Variants in STK33 observed in about 807,000 individuals in gnomAD.
STK33 encodes serine/threonine-protein kinase 33.
A neutral mutation model predicts 58.0 loss-of-function variants in STK33; 52 were observed. The ratio of observed to expected loss-of-function variants is 0.90; its 90% CI spans 0.72 to 1.13. The LOEUF (loss-of-function observed/expected upper bound fraction) is 1.13. STK33 is among the 50% of genes most tolerant of loss of function. The pLI, the probability that STK33 is intolerant of heterozygous loss-of-function variation, is 0.00. For synonymous variants in STK33, 215 were observed against 200.1 expected, an observed-to-expected ratio of 1.07 and a Z score of -0.63; for missense variants, 630 against 604.2, an observed-to-expected ratio of 1.04 and a Z score of -0.45.
At chr11:8,397,485 A>C (rs927266691) in intron 15 of STK33, among the ~76,000 whole-genome samples, 4 of 152,216 alleles carry the variant, frequency 2.6e-5, no homozygotes, top group African/African-American at 9.6e-5. Context: ...CAAAGACCAA[A>C]GGTAGATAAA....
At chr11:8,490,353 C>T (rs996385986) in intron 1 of STK33, among the ~76,000 whole-genome samples, 1 of 152,172 alleles carries the variant, frequency 6.6e-6, no homozygotes, top group African/African-American at 2.4e-5. Context: ...GAGGCAGCAA[C>T]CTGGCAGGGG....
intron 14 of STK33, among the ~76,000 whole-genome samples, chr11:8,426,245 T>C (rs1173356442): frequency 6.6e-6 from 1 of 152,194 alleles, no homozygotes; most frequent in African/African-American, 2.4e-5. Flanking sequence ...CTCAGCAGCC[T>C]GGGCTCTCCT....
intron 11 of STK33, among the ~76,000 whole-genome samples, chr11:8,441,820 T>C (rs1944781493): frequency 1.3e-5 from 2 of 152,286 alleles, no homozygotes; most frequent in Admixed American, 6.5e-5. Context: ...ATTTATACTT[T>C]TGCATAAATT....
At chr11:8,593,212 C>T (rs2032887847) in intron 1 of STK33, among the ~76,000 whole-genome samples, 2 of 152,188 alleles carry the variant, frequency 1.3e-5, no homozygotes, top group African/African-American at 4.8e-5. Context: ...TGTCTAAAGG[C>T]ACGGGCCTGG....
At chr11:8,559,055 A>G (rs997319302) in intron 1 of STK33, among the ~76,000 whole-genome samples, 3 of 152,172 alleles carry the variant, frequency 2.0e-5, no homozygotes, top group South Asian at 2.1e-4. Flanking sequence ...CACATGGCCA[A>G]ACCCTAGAAA....
chr11:8,534,219 G>A (rs974809340), intron 1 of STK33, among the ~76,000 whole-genome samples: 5 of 151,684 alleles, frequency 3.3e-5, no homozygotes, highest in African/African-American at 9.7e-5. Context: ...AGTTTGCAGT[G>A]AGCCAAGATC....
intron 14 of STK33, among the ~76,000 whole-genome samples, chr11:8,431,796 C>T (rs549129882): frequency 6.6e-6 from 1 of 152,294 alleles, no homozygotes; most frequent in Non-Finnish European, 1.5e-5. Flanking sequence ...CAAGTCCACT[C>T]ACGATTTTCT....
Position 8,392,726 on chromosome 11 carries a change from CTTGA to C in STK33, c.1345-20_1345-17del, listed in dbSNP as rs755236158. 15 of 1,613,056 alleles carry C rather than the reference CTTGA, an allele frequency of 9.3e-6. No individual in the cohort carries two copies. Among genetic ancestry groups the C allele is most frequent in the Non-Finnish European group, 1.0e-5 (12 of 1,179,396 alleles). On this transcript the variant is annotated splice_polypyrimidine_tract_variant and intron_variant, in intron 15 of 15. Transcript: ENST00000687296. Reference sequence around the variant, plus strand: ...AAGCAGTAGACTGCAAATAAAAGGTCTTGATTAATTTTCAGACACAAAGCAATGC... The same window carrying C: ...AAGCAGTAGACTGCAAATAAAAGGTCTTAATTTTCAGACACAAAGCAATGC...
At chr11:8,568,401 T>C (rs1435975171) in intron 1 of STK33, among the ~76,000 whole-genome samples, 4 of 152,154 alleles carry the variant, frequency 2.6e-5, no homozygotes, top group African/African-American at 7.2e-5. Context: ...TCGTGGATAA[T>C]GAATTATATA....
At chr11:8,592,913 C>T (rs2032839759) in intron 1 of STK33, among the ~76,000 whole-genome samples, 1 of 152,098 alleles carries the variant, frequency 6.6e-6, no homozygotes, top group African/African-American at 2.4e-5. Flanking sequence ...GGATAAATAC[C>T]TTTAGATTAG....
chr11:8,559,914 CCT>C (rs1373689217), intron 1 of STK33, among the ~76,000 whole-genome samples: 4 of 151,998 alleles, frequency 2.6e-5, no homozygotes, highest in Non-Finnish European at 5.9e-5. Context: ...AGTAACTTAC[CCT>C]TTTTCTAAAT....
At chr11:8,347,057 T>A in the STK33 span, among the ~76,000 whole-genome samples, 1 of 152,262 alleles carries the variant, frequency 6.6e-6, no homozygotes, top group Non-Finnish European at 1.5e-5. Context: ...CTTTTCCAGC[T>A]TAAAACAGTC....
intron 1 of STK33, among the ~76,000 whole-genome samples, chr11:8,553,171 T>A (rs1233984077): frequency 2.7e-5 from 1 of 36,518 alleles, no homozygotes; most frequent in Non-Finnish European, 4.7e-5. Flanking sequence ...AAATAAAATA[T>A]ATATATATAT....
chr11:8,335,290 G>A, the STK33 span, among the ~76,000 whole-genome samples: 8 of 152,264 alleles, frequency 5.3e-5, no homozygotes, highest in Non-Finnish European at 7.4e-5. Context: ...TAACAGGATC[G>A]GACAGCACAT....
At chr11:8,411,189 C>G (rs1235313502) in intron 15 of STK33, among the ~76,000 whole-genome samples, 1 of 152,206 alleles carries the variant, frequency 6.6e-6, no homozygotes, top group Non-Finnish European at 1.5e-5. Context: ...TAGCACAAAA[C>G]ATTATCTAGA....
At chr11:8,353,556 T>C in the STK33 span, among the ~76,000 whole-genome samples, 1 of 152,178 alleles carries the variant, frequency 6.6e-6, no homozygotes, top group East Asian at 1.9e-4. Context: ...ACATTATTAA[T>C]GGACTCCAAG....
the STK33 span, among the ~76,000 whole-genome samples, chr11:8,373,516 G>A: frequency 6.6e-6 from 1 of 152,154 alleles, no homozygotes; most frequent in South Asian, 2.1e-4. Context: ...ATCAGGCTGG[G>A]CCCAGGCATG....
At chr11:8,437,631 T>C (rs1306312388) in intron 12 of STK33, among the ~76,000 whole-genome samples, 1 of 152,210 alleles carries the variant, frequency 6.6e-6, no homozygotes, top group Non-Finnish European at 1.5e-5. Flanking sequence ...AACAGTTACA[T>C]TTTTACTAAT....
At chr11:8,522,146 A>C (rs1195263442) in intron 1 of STK33, among the ~76,000 whole-genome samples, 2 of 152,228 alleles carry the variant, frequency 1.3e-5, no homozygotes, top group South Asian at 2.1e-4. Flanking sequence ...AAAGGATTAT[A>C]AATCATGCTG....
Sources: gnomAD v4.1 joint callset for allele counts (sites outside exome capture counted in the v4.1 genomes callset) on GRCh38, gnomAD v4.1.1 for gene constraint, MANE v1.5 for transcripts, NCBI Gene and HGNC (gene_info 2026-07-23, HGNC 2026-07-21) for gene names.